The following ROR1 variants were observed in gnomAD, a reference collection of about 807,000 sequenced individuals.
ROR1 encodes inactive tyrosine-protein kinase transmembrane receptor ROR1.
ROR1 carries 19 observed loss-of-function variants against 78.8 expected under a neutral mutation model. That is an observed-to-expected ratio of 0.24 (90% CI 0.17 to 0.35). ROR1 has a LOEUF of 0.35. Ranked by LOEUF, ROR1 falls within the 10% of genes least tolerant of loss-of-function variation. The pLI is 1.00. For missense variants in ROR1, 917 were observed against 1,177.8 expected (o/e 0.78, Z 3.24); for synonymous variants, 386 against 433.6 (o/e 0.89, Z 1.36).
chr1:63,885,722 C>T (rs1414008168), intron 1 of ROR1, among the ~76,000 whole-genome samples: 2 of 152,054 alleles, frequency 1.3e-5, no homozygotes, highest in East Asian at 1.9e-4. Context: ...GAGTAGGTGC[C>T]CAGAGATGCC....
At chr1:63,789,849 G>A (rs1004664483) in intron 1 of ROR1, among the ~76,000 whole-genome samples, 6 of 152,078 alleles carry the variant, frequency 3.9e-5, no homozygotes, top group African/African-American at 1.4e-4. Flanking sequence ...ACAAATCAAA[G>A]AGACACTCAT....
intron 1 of ROR1, among the ~76,000 whole-genome samples, chr1:63,787,012 G>T (rs543229797): frequency 6.6e-6 from 1 of 152,266 alleles, no homozygotes; most frequent in African/African-American, 2.4e-5. Flanking sequence ...AAACGGTATG[G>T]GAATAATGAA....
chr1:63,875,127 T>G (rs1645276749), intron 1 of ROR1, among the ~76,000 whole-genome samples: 1 of 152,168 alleles, frequency 6.6e-6, no homozygotes. Context: ...TGTTTGACCC[T>G]AGGCAAGTTG....
At chr1:63,869,124 A>G (rs1645235360) in intron 1 of ROR1, among the ~76,000 whole-genome samples, 1 of 152,112 alleles carries the variant, frequency 6.6e-6, no homozygotes, top group Admixed American at 6.5e-5. Context: ...GTTAGGATCA[A>G]ATGTGTTTTA....
At chr1:64,176,454 G>A (rs1650382141) in intron 8 of ROR1, among the ~76,000 whole-genome samples, 1 of 151,820 alleles carries the variant, frequency 6.6e-6, no homozygotes, top group Non-Finnish European at 1.5e-5. Flanking sequence ...AACATGGTAA[G>A]TACAATTATT....
intron 1 of ROR1, chr1:63,843,088 G>A (rs1426401426): frequency 3.7e-6 from 2 of 541,662 alleles, no homozygotes; most frequent in South Asian, 2.1e-5. Flanking sequence ...CCCCCTGCTG[G>A]GATCCCCCCA....
At chr1:64,050,824 GTCATTCCATTTTGCCCTGCCC>G in intron 4 of ROR1, 108 bp downstream of exon 4, 1 of 1,100,062 alleles carries the variant, frequency 9.1e-7, no homozygotes, top group Non-Finnish European at 1.4e-6. Flanking sequence ...GCTTCCAGAT[GTCATTCCATTTTGCCCTGCCC>G]TCATTCCATT....
At chr1:63,903,570 C>T (rs895761997) in intron 1 of ROR1, among the ~76,000 whole-genome samples, 4 of 152,146 alleles carry the variant, frequency 2.6e-5, no homozygotes, top group African/African-American at 9.6e-5. Flanking sequence ...TCCTTCTGCT[C>T]CTTTCCACCC....
intron 1 of ROR1, among the ~76,000 whole-genome samples, chr1:63,913,622 T>C (rs1273837968): frequency 6.6e-6 from 1 of 152,188 alleles, no homozygotes; most frequent in African/African-American, 2.4e-5. Context: ...TGAAAGGCAT[T>C]CCCTTGCCTG....
At chr1:64,155,524 A>T (rs982738849) in intron 7 of ROR1, among the ~76,000 whole-genome samples, 16 of 152,176 alleles carry the variant, frequency 1.1e-4, no homozygotes, top group Non-Finnish European at 2.1e-4. Context: ...AGAAGGAGCC[A>T]AGCTTGACTG....
chr1:64,017,371 GCTCT>G (rs376259603), intron 2 of ROR1, among the ~76,000 whole-genome samples: 2 of 152,088 alleles, frequency 1.3e-5, no homozygotes, highest in African/African-American at 4.8e-5. Flanking sequence ...TGACCAAGCA[GCTCT>G]CTCTCTCTAA....
chr1:64,142,440 C>G lies in ROR1; in HGVS notation c.964C>G (p.Arg322Gly). The change falls in exon 7 of 9, where the codon CGG becomes GGG. Residue 322 changes from arginine (R) to glycine (G), a missense_variant. Physicochemically the swap from Arg to Gly is moderately radical, Grantham distance 125. Transcript: ENST00000371079. The part of the protein sequence containing the change: ...KCYNSTGVDY[R>G]GTVSVTKSGR... ...TTATAACAGCACAGGTGTGGACTAC[C>G]GGGGGACCGTCAGTGTGACCAAATC... 3 of 1,614,072 alleles carry G rather than the reference C, an allele frequency of 1.9e-6. No homozygotes were observed. Among genetic ancestry groups the G allele is most frequent in the Non-Finnish European group, 1.7e-6 (2 of 1,180,008 alleles).
intron 1 of ROR1, among the ~76,000 whole-genome samples, chr1:64,001,721 C>T (rs1009955865): frequency 6.6e-6 from 1 of 152,234 alleles, no homozygotes; most frequent in East Asian, 1.9e-4. Context: ...GGGCGGCTCT[C>T]CCAGGCTCTA....
intron 4 of ROR1, among the ~76,000 whole-genome samples, chr1:64,108,739 A>G (rs1196687044): frequency 6.6e-6 from 1 of 152,182 alleles, no homozygotes; most frequent in African/African-American, 2.4e-5. Context: ...TGGAAAAGTC[A>G]GAGAGATGAA....
intron 1 of ROR1, among the ~76,000 whole-genome samples, chr1:63,897,495 G>A (rs1056887692): frequency 1.3e-5 from 2 of 152,124 alleles, no homozygotes; most frequent in Admixed American, 1.3e-4. Context: ...GCTATGTTCT[G>A]AAAGTGTTTA....
intron 1 of ROR1, among the ~76,000 whole-genome samples, chr1:63,963,484 G>A (rs941993162): frequency 6.6e-6 from 1 of 151,492 alleles, no homozygotes; most frequent in Non-Finnish European, 1.5e-5. Flanking sequence ...CAAGAGAATC[G>A]CTTGAACCTG....
At chr1:63,867,812 A>G (rs1162424890) in intron 1 of ROR1, among the ~76,000 whole-genome samples, 3 of 152,268 alleles carry the variant, frequency 2.0e-5, no homozygotes, top group Non-Finnish European at 4.4e-5. Context: ...CTGTTGGACC[A>G]TGGAAATGAT....
chr1:64,014,773 T>TATATATATATATATATATACATACAC (rs71056017), intron 2 of ROR1, among the ~76,000 whole-genome samples: 1 of 46,996 alleles, frequency 2.1e-5, no homozygotes, highest in Non-Finnish European at 4.6e-5. Flanking sequence ...TATATATATA[T>TATATATATATATATATATACATACAC]ACACATTTTG....
chr1:63,781,495 G>A (rs1218673475), intron 1 of ROR1, among the ~76,000 whole-genome samples: 1 of 152,116 alleles, frequency 6.6e-6, no homozygotes, highest in African/African-American at 2.4e-5. Flanking sequence ...AGTGTGATTG[G>A]GGAGACACCA....
Sources: allele counts gnomAD v4.1 joint callset (sites outside exome capture counted in the v4.1 genomes callset), GRCh38; gene constraint gnomAD v4.1.1; transcripts MANE v1.5; gene names NCBI Gene and HGNC (gene_info 2026-07-23, HGNC 2026-07-21).